Variants in CUBN observed in about 807,000 individuals in gnomAD.
CUBN encodes the protein cubilin, also known as 460 kDa receptor.
A neutral mutation model predicts 405.3 loss-of-function variants in CUBN; 282 were observed. The observed-to-expected ratio is 0.70, with a 90% CI of 0.63 to 0.77. The LOEUF (loss-of-function observed/expected upper bound fraction) is 0.77, where lower values mean the gene tolerates loss of function less well. Ranked by LOEUF, CUBN falls within the 30% of genes least tolerant of loss-of-function variation. The pLI, the probability that CUBN is intolerant of heterozygous loss-of-function variation, is 0.00. For synonymous variants in CUBN, 1,684 were observed against 1,617.0 expected (o/e 1.04, Z -0.99); for missense variants, 4,514 against 4,475.2 (o/e 1.01, Z -0.25).
chr10:16,867,151 A>T (rs1228781332), intron 59 of CUBN, among the ~76,000 whole-genome samples: 1 of 152,226 alleles, frequency 6.6e-6, no homozygotes, highest in African/African-American at 2.4e-5. Flanking sequence ...TCAATTATTT[A>T]CTAAGTGAAG....
chr10:17,079,313 G>A (rs1171386648), intron 17 of CUBN, among the ~76,000 whole-genome samples: 1 of 143,730 alleles, frequency 7.0e-6, no homozygotes, highest in Non-Finnish European at 1.5e-5. Context: ...TCAGCTCACT[G>A]CAACCTCCAC....
chr10:17,000,625 T>C (rs1833851072), intron 28 of CUBN, among the ~76,000 whole-genome samples: 1 of 152,230 alleles, frequency 6.6e-6, no homozygotes, highest in African/African-American at 2.4e-5. Context: ...TGCAATATCA[T>C]TTGACCTTTT....
At chr10:17,025,351 T>C (rs1348631531) in intron 27 of CUBN, among the ~76,000 whole-genome samples, 2 of 152,206 alleles carry the variant, frequency 1.3e-5, no homozygotes, top group African/African-American at 2.4e-5. Context: ...ACTTGACTAA[T>C]GTCAATGTGG....
chr10:17,060,537 TAACA>T (rs1489122529), intron 22 of CUBN, among the ~76,000 whole-genome samples: 1 of 152,184 alleles, frequency 6.6e-6, no homozygotes. Flanking sequence ...GTAAGAAATA[TAACA>T]AACAAGATAA....
intron 9 of CUBN, 44 bp from the exon 10 acceptor site, chr10:17,109,779 G>T: frequency 6.8e-7 from 1 of 1,478,702 alleles, no homozygotes; most frequent in Non-Finnish European, 9.5e-7. Context: ...ATGTCAAGAA[G>T]ATGGGAGGAC....
intron 4 of CUBN, among the ~76,000 whole-genome samples, chr10:17,126,272 T>G (rs1259723020): frequency 6.6e-6 from 1 of 152,228 alleles, no homozygotes; most frequent in Non-Finnish European, 1.5e-5. Flanking sequence ...TCTACAAGCA[T>G]GTAGTACAGT....
intron 56 of CUBN, among the ~76,000 whole-genome samples, chr10:16,881,679 A>C (rs543054696): frequency 3.3e-5 from 5 of 152,332 alleles, no homozygotes; most frequent in African/African-American, 1.2e-4. Flanking sequence ...CCTTTCTAGT[A>C]GTCGTTTGTT....
At chr10:16,964,210 G>T (rs1200441434) in intron 31 of CUBN, among the ~76,000 whole-genome samples, 2 of 151,948 alleles carry the variant, frequency 1.3e-5, no homozygotes, top group Non-Finnish European at 2.9e-5. Context: ...GCTATATAAA[G>T]GAAATAATAG....
intron 31 of CUBN, among the ~76,000 whole-genome samples, chr10:16,963,392 G>A (rs1055294236): frequency 6.6e-6 from 1 of 151,428 alleles, no homozygotes; most frequent in African/African-American, 2.4e-5. Flanking sequence ...TCTCCATGTT[G>A]GCCAGGCTAT....
At chr10:16,851,473 G>A (rs1376087689) in intron 59 of CUBN, 30 bp from the exon 60 acceptor site, 6 of 1,595,238 alleles carry the variant, frequency 3.8e-6, no homozygotes, top group African/African-American at 1.3e-5. Context: ...TCACTATGCA[G>A]ACCAAACAGA....
chr10:16,974,610 A>G (rs1479911309), intron 31 of CUBN, among the ~76,000 whole-genome samples: 4 of 152,000 alleles, frequency 2.6e-5, no homozygotes, highest in African/African-American at 9.7e-5. Flanking sequence ...TGACCTCGTG[A>G]TCCCCCCGCC....
chr10:17,105,994 C>A (rs964106838), intron 10 of CUBN, among the ~76,000 whole-genome samples: 1 of 152,016 alleles, frequency 6.6e-6, no homozygotes, highest in East Asian at 1.9e-4. Context: ...TCCCAAGAGC[C>A]CAATAGAGGG....
rs148184389 is a variant in CUBN, at chr10:17,102,718, T to C, written c.1530+407A>G. Among the ~76,000 whole-genome samples the C allele has an allele frequency of 3.6e-3, 544 of 149,910 alleles. 3 individuals carry two copies. Among genetic ancestry groups the C allele is most frequent in the African/African-American group, 0.013 (517 of 40,592 alleles). ...GCCTCCTGGATTCAAGCAATTCTCC[T>C]GCCTCAGCCTCCCGAGTAGCTGGGA... On this transcript the variant is annotated intron_variant, in intron 13 of 66. Coordinates refer to ENST00000377833, the MANE Select transcript of CUBN (RefSeq NM_001081.4).
chr10:16,873,492 C>T (rs372251660), intron 58 of CUBN, among the ~76,000 whole-genome samples: 2 of 151,958 alleles, frequency 1.3e-5, no homozygotes, highest in African/African-American at 2.4e-5. Flanking sequence ...GAGGCCGAGG[C>T]GGGAGGATCA....
chr10:17,003,598 G>C (rs574903190), intron 28 of CUBN, among the ~76,000 whole-genome samples: 277 of 152,124 alleles, frequency 1.8e-3, no homozygotes, highest in Non-Finnish European at 3.3e-3. Flanking sequence ...TTTTCAAACT[G>C]GAAAACTTAG....
chr10:16,840,249 T>C, intron 62 of CUBN, 81 bp downstream of exon 62: 2 of 1,221,066 alleles, frequency 1.6e-6, no homozygotes, highest in Non-Finnish European at 2.4e-6. Flanking sequence ...TATTTCATCA[T>C]GGCTTCATTA....
rs1292163795 is a variant in CUBN at position 16,855,042 on chromosome 10, C to T, written c.9455-3599G>A. Among the ~76,000 whole-genome samples the T allele has an allele frequency of 2.3e-3, 301 of 128,990 alleles. 5 individuals carry two copies. Among genetic ancestry groups the T allele is most frequent in the African/African-American group, 8.7e-3 (292 of 33,738 alleles). 84.6% of individuals were successfully genotyped at this position (128,990 alleles called of 152,430 possible). The stretch of plus-strand genomic sequence containing the variant: ...TCTCTCTCTCTCTTTCTCTCTATCT[C>T]TCTTCCCCTCCCCTCCCCTCCTCTC... On this transcript the variant is annotated intron_variant, in intron 59 of 66. Transcript: ENST00000377833.
intron 35 of CUBN, 113 bp downstream of exon 35, chr10:16,948,365 G>A (rs899053389): frequency 5.7e-6 from 8 of 1,393,926 alleles, no homozygotes; most frequent in Non-Finnish European, 8.1e-6. Context: ...TTGGCCCAGA[G>A]GTGATCTCAG....
chr10:16,967,631 A>G (rs1843428339), intron 31 of CUBN, among the ~76,000 whole-genome samples: 1 of 152,094 alleles, frequency 6.6e-6, no homozygotes, highest in Non-Finnish European at 1.5e-5. Flanking sequence ...AGATGGAAAC[A>G]AAAATTCCTG....
Sources: allele counts gnomAD v4.1 joint callset (sites outside exome capture counted in the v4.1 genomes callset), GRCh38; gene constraint gnomAD v4.1.1; transcripts MANE v1.5; gene names NCBI Gene and HGNC (gene_info 2026-07-23, HGNC 2026-07-21).